CC2D1A: variants seen among roughly 807,000 people sequenced by gnomAD.
CC2D1A encodes coiled-coil and C2 domain containing 1A, also known as coiled-coil and C2 domain-containing protein 1A.
A neutral mutation model predicts 123.8 loss-of-function variants in CC2D1A; 68 were observed. The observed-to-expected ratio is 0.55, with a 90% confidence interval of 0.45 to 0.67. The LOEUF (loss-of-function observed/expected upper bound fraction) is 0.67, where lower values mean the gene tolerates loss of function less well. CC2D1A is among the 30% of genes least tolerant of loss of function. The pLI is 0.00. For synonymous variants in CC2D1A, 477 were observed against 528.0 expected (o/e 0.90, Z 1.32); for missense variants, 1,185 against 1,290.3 (o/e 0.92, Z 1.25).
chr19:13,917,948 GC>G (rs1971265858), intron 6 of CC2D1A, 121 bp from the exon 7 acceptor site: 2 of 1,048,222 alleles, frequency 1.9e-6, no homozygotes, highest in Non-Finnish European at 2.7e-6. Flanking sequence ...CCCAGCATGG[GC>G]AACAGAGTGA....
rs1041455143 is a variant in CC2D1A, at chr19:13,909,137, C to T, written c.61-686C>T. Among the ~76,000 whole-genome samples the T allele has an allele frequency of 3.9e-5, 6 of 152,146 alleles. No homozygotes were observed. In the East Asian group the frequency reaches 1.2e-3, roughly 29 times the overall value. On this transcript the variant is annotated intron_variant, in intron 1 of 28. Coordinates refer to ENST00000318003, the MANE Select transcript of CC2D1A (RefSeq NM_017721.5). ...CCTGTAATCCCAGCACTTTGGGAGGCCGAGGCGGGCAGATCATGAGGTCAG... is the reference window on the plus strand; with the variant it reads ...CCTGTAATCCCAGCACTTTGGGAGGTCGAGGCGGGCAGATCATGAGGTCAG...
chr19:13,927,836 C>A, intron 22 of CC2D1A, 57 bp from the exon 23 acceptor site: 1 of 1,584,130 alleles, frequency 6.3e-7, no homozygotes, highest in Admixed American at 1.7e-5. Flanking sequence ...TGTCCTGGCC[C>A]TGGGCCTCTA....
chr19:13,923,753 G>T lies in CC2D1A; in HGVS notation c.1882G>T (p.Val628Phe), dbSNP rs370497699. Residue 628 changes from valine to phenylalanine, a missense_variant, in exon 17 of 29, where the codon GTC becomes TTC. Physicochemically the swap from Val to Phe is conservative, Grantham distance 50. Coordinates refer to ENST00000318003, the MANE Select transcript of CC2D1A (RefSeq NM_017721.5). The surrounding 1 kb of genome is among the most constrained non-coding windows in gnomAD (Gnocchi z 5.3). Reference sequence around the variant, plus strand: ...CATGGACATTCTGAAGCAAGCCTTCGTCCGGGGTCTCCCCACGCCCACCGC... The same window carrying T: ...CATGGACATTCTGAAGCAAGCCTTCTTCCGGGGTCTCCCCACGCCCACCGC... The part of the protein sequence containing the change: ...RSMDILKQAF[V>F]RGLPTPTARF... The T allele has an allele frequency of 1.2e-6, 2 of 1,614,174 alleles. No individual in the cohort carries two copies. Among genetic ancestry groups the T allele is most frequent in the East Asian group, 2.2e-5 (1 of 44,892 alleles).
chr19:13,910,407 CAAAAAAAAAAAAAA>C, intron 2 of CC2D1A, among the ~76,000 whole-genome samples: 1 of 40,868 alleles, frequency 2.4e-5, no homozygotes, highest in South Asian at 9.0e-4. Context: ...GACTCCGTCT[CAAAAAAAAAAAAAA>C]AAAAAAAAAG....
intron 10 of CC2D1A, 31 bp downstream of exon 10, chr19:13,919,073 G>C (rs202234854): frequency 1.6e-4 from 250 of 1,602,402 alleles, no homozygotes; most frequent in Middle Eastern, 1.7e-4. Context: ...GAGGTGGGGC[G>C]AGTGGGCAGC....
intron 4 of CC2D1A, 151 bp downstream of exon 4, chr19:13,912,744 C>T: frequency 1.3e-6 from 1 of 780,290 alleles, no homozygotes; most frequent in Non-Finnish European, 2.1e-6. Flanking sequence ...CCTCTGCCTC[C>T]CAGGTTCAAG....
At position 13,923,192 on chromosome 19, in the gene CC2D1A, CAA is replaced by C. The variant is rs1056032126; in HGVS notation, c.1642-129_1642-128del. The C allele has an allele frequency of 3.9e-3, 3,313 of 853,142 alleles. No homozygotes were observed. The highest frequency in any genetic ancestry group is 5.6e-3 in the South Asian group (291 of 51,718). The allele number at this position is 853,142 out of a possible 1,614,324, so 52.8% of individuals were successfully genotyped here. A position where few individuals can be genotyped will look rare whatever the true frequency, so the allele number is the denominator to read the frequency against. On this transcript the variant is annotated intron_variant, in intron 14 of 28. Coordinates refer to ENST00000318003, the MANE Select transcript of CC2D1A (RefSeq NM_017721.5). This position sits in a 1 kb window ranked among gnomAD's most constrained non-coding sequence, Gnocchi z 5.3. Reference sequence around the variant, plus strand: ...TGGGCAACAGAGCGAGACTCCATCTCAAAAAAAAAAAAAGACCAGAGAAGGGT... The same window carrying C: ...TGGGCAACAGAGCGAGACTCCATCTCAAAAAAAAAAAGACCAGAGAAGGGT...
At position 13,923,496 on chromosome 19, in the gene CC2D1A, C is replaced by A. The variant is rs765980846; in HGVS notation, c.1764+41C>A. On this transcript the variant is annotated intron_variant, in intron 15 of 28. Transcript: ENST00000318003. This position sits in a 1 kb window ranked among gnomAD's most constrained non-coding sequence, Gnocchi z 5.3. ...CCAGCCCATCCCCCAGGAGCGTGAC[C>A]CTCCTTCCCCTCTCTTCCCTTCCCT... The A allele has an allele frequency of 1.6e-5, 26 of 1,613,542 alleles. No individual in the cohort carries two copies. Among genetic ancestry groups the A allele is most frequent in the Non-Finnish European group, 2.2e-5 (26 of 1,179,612 alleles).
chr19:13,916,648 G>A (rs974367236), intron 6 of CC2D1A, among the ~76,000 whole-genome samples: 4 of 151,990 alleles, frequency 2.6e-5, no homozygotes, highest in South Asian at 4.1e-4. Flanking sequence ...AATTCAACCC[G>A]GAAAAACATT....
chr19:13,918,132 G>T lies in CC2D1A; in HGVS notation c.811G>T (p.Ala271Ser), dbSNP rs763752291. The change falls in exon 7 of 29, where the codon GCC becomes TCC. Residue 271 changes from alanine to serine, a missense_variant. Coordinates refer to ENST00000318003, the MANE Select transcript of CC2D1A (RefSeq NM_017721.5). ...CCGCCAGCGCGACTACAAGCTGGCT[G>T]CCCTCCACGCCAAGCAGCAGGGAGA... is the stretch of plus-strand genomic sequence containing the variant. Reference protein sequence around the residue: ...QSRQRDYKLAALHAKQQGDTT... With the variant: ...QSRQRDYKLASLHAKQQGDTT... The T allele has an allele frequency of 1.2e-5, 19 of 1,611,306 alleles. 1 individual carries two copies. In the South Asian group the frequency reaches 1.4e-4, roughly 12 times the overall value.
At chr19:13,917,651 C>A (rs144803860) in intron 6 of CC2D1A, among the ~76,000 whole-genome samples, 2,331 of 152,028 alleles carry the variant, frequency 0.015, 60 homozygotes, top group African/African-American at 0.054. Context: ...CCACTGCACT[C>A]CAGTCTGGGC....
chr19:13,928,124 C>G lies in CC2D1A; in HGVS notation c.2455C>G (p.Gln819Glu), dbSNP rs1329520891. The change falls in exon 24 of 29, where the codon CAG becomes GAG. Residue 819 changes from glutamine to glutamate, a missense_variant and splice_region_variant. Physicochemically the swap from Gln to Glu is conservative, Grantham distance 29. Transcript: ENST00000318003. Reference protein sequence around the residue: ...IDPVPAAVPTQVAGPKGKAPP... With the variant: ...IDPVPAAVPTEVAGPKGKAPP... Reference sequence around the variant, plus strand: ...ACAGGACTGGTTCTCTCCTCTGAAGCAGGTTGCTGGGCCCAAAGGGAAGGC... The same window carrying G: ...ACAGGACTGGTTCTCTCCTCTGAAGGAGGTTGCTGGGCCCAAAGGGAAGGC... 6.2e-7 allele frequency: 1 copy of G among 1,612,912 alleles called. No homozygotes were observed. The highest frequency in any genetic ancestry group is 1.3e-5 in the African/African-American group (1 of 74,584).
At position 13,923,496 on chromosome 19, in the gene CC2D1A, C is replaced by T. The variant is rs765980846; in HGVS notation, c.1764+41C>T. On this transcript the variant is annotated intron_variant, in intron 15 of 28. Transcript: ENST00000318003. This position sits in a 1 kb window ranked among gnomAD's most constrained non-coding sequence, Gnocchi z 5.3. The stretch of plus-strand genomic sequence containing the variant: ...CCAGCCCATCCCCCAGGAGCGTGAC[C>T]CTCCTTCCCCTCTCTTCCCTTCCCT... 6 of 1,613,660 alleles carry T rather than the reference C, an allele frequency of 3.7e-6. No individual in the cohort carries two copies. The South Asian group carries it at 6.6e-5, about 18-fold the overall frequency.
At chr19:13,912,236 A>C (rs766972705) in intron 2 of CC2D1A, 87 bp from the exon 3 acceptor site, 173 of 1,391,728 alleles carry the variant, frequency 1.2e-4, no homozygotes, top group Non-Finnish European at 1.6e-4. Flanking sequence ...GTCAGCGAGA[A>C]GTGGGATCAC....
chr19:13,910,037 A>C (rs910318744), intron 2 of CC2D1A, 79 bp downstream of exon 2: 2 of 1,340,828 alleles, frequency 1.5e-6, no homozygotes, highest in Non-Finnish European at 2.0e-6. Context: ...GGCACTGGGT[A>C]GGTAGGGGAA....
Position 13,923,665 on chromosome 19 carries a change from G to A in CC2D1A, c.1824-30G>A, listed in dbSNP as rs749582380. On this transcript the variant is annotated intron_variant, in intron 16 of 28. Coordinates refer to ENST00000318003, the MANE Select transcript of CC2D1A (RefSeq NM_017721.5). This position sits in a 1 kb window ranked among gnomAD's most constrained non-coding sequence, Gnocchi z 5.3. ...CCCCAGCCACCCATCCCCAGGGCCA[G>A]GGACATGAGCAGGGCCCTCCCACCG... 4 of 1,613,020 alleles carry A rather than the reference G, an allele frequency of 2.5e-6. No individual in the cohort carries two copies. The highest frequency in any genetic ancestry group is 3.4e-6 in the Non-Finnish European group (4 of 1,178,916).
At chr19:13,926,788 C>G in intron 19 of CC2D1A, 33 bp from the exon 20 acceptor site, 1 of 1,613,982 alleles carries the variant, frequency 6.2e-7, no homozygotes, top group South Asian at 1.1e-5. Context: ...GGTCCCAGGC[C>G]CCCTAGATTT....
chr19:13,911,706 ATTTTTTTTTTT>A (rs1055273535), intron 2 of CC2D1A, among the ~76,000 whole-genome samples: 6 of 88,552 alleles, frequency 6.8e-5, no homozygotes, highest in Admixed American at 1.3e-4. Flanking sequence ...TGCCCAGCTA[ATTTTTTTTTTT>A]TTTTTTTTTT....
intron 2 of CC2D1A, 134 bp downstream of exon 2, chr19:13,910,092 G>T: frequency 1.2e-4 from 90 of 779,268 alleles, no homozygotes; most frequent in Middle Eastern, 7.9e-4. Context: ...AATGATCTGG[G>T]TAAGAGAGTC....
Sources: gnomAD v4.1 joint callset for allele counts (sites outside exome capture counted in the v4.1 genomes callset) on GRCh38, gnomAD v4.1.1 for gene constraint, Gnocchi (gnomAD v3.1) non-coding constraint, MANE v1.5 for transcripts, NCBI Gene and HGNC (gene_info 2026-07-23, HGNC 2026-07-21) for gene names.